TRABD2B: variants seen among roughly 807,000 people sequenced by gnomAD.
TRABD2B encodes the protein TraB domain containing 2B, also known as metalloprotease TIKI2.
In TRABD2B, 14 loss-of-function variants were observed where a neutral mutation model predicts 40.1. The ratio of observed to expected loss-of-function variants is 0.35; its 90% confidence interval spans 0.23 to 0.55. The LOEUF (loss-of-function observed/expected upper bound fraction) is 0.55, where lower values mean the gene tolerates loss of function less well. Among genes scored for constraint, TRABD2B ranks in the 20% least tolerant of loss-of-function variants. The pLI, the probability that TRABD2B is intolerant of heterozygous loss-of-function variation, is 0.90. For missense variants in TRABD2B, 541 were observed against 648.6 expected (o/e 0.83, Z 1.80); for synonymous variants, 263 against 277.0 (o/e 0.95, Z 0.50).
At chr1:47,893,199 A>G (rs1373137905) in intron 2 of TRABD2B, among the ~76,000 whole-genome samples, 1 of 152,124 alleles carries the variant, frequency 6.6e-6, no homozygotes, top group Non-Finnish European at 1.5e-5. Flanking sequence ...TCTGTTTCAC[A>G]TTTCAATTCA....
chr1:47,787,611 T>G (rs1644613973), intron 4 of TRABD2B, among the ~76,000 whole-genome samples: 1 of 152,192 alleles, frequency 6.6e-6, no homozygotes, highest in African/African-American at 2.4e-5. Flanking sequence ...CTTAGGTCTT[T>G]TCACCTGTCA....
chr1:47,885,388 A>G (rs956141288), intron 2 of TRABD2B, among the ~76,000 whole-genome samples: 1 of 151,228 alleles, frequency 6.6e-6, no homozygotes, highest in Non-Finnish European at 1.5e-5. Context: ...TACTTGCAGC[A>G]CCCCCTTTCA....
chr1:47,991,609 T>A (rs1407965278), intron 2 of TRABD2B, among the ~76,000 whole-genome samples: 1 of 57,978 alleles, frequency 1.7e-5, no homozygotes, highest in African/African-American at 8.9e-5. Flanking sequence ...AAAATTATGG[T>A]TATTTCTGTC....
intron 4 of TRABD2B, among the ~76,000 whole-genome samples, chr1:47,786,026 G>A (rs531821862): frequency 2.0e-5 from 3 of 152,304 alleles, no homozygotes; most frequent in Admixed American, 6.5e-5. Flanking sequence ...AGAGGACTTC[G>A]AGCTCTGAGG....
intron 2 of TRABD2B, among the ~76,000 whole-genome samples, chr1:47,857,646 G>A (rs1643907163): frequency 6.6e-6 from 1 of 151,952 alleles, no homozygotes; most frequent in Non-Finnish European, 1.5e-5. Flanking sequence ...AGTTTCCCAG[G>A]GCCCTGCCCA....
Position 47,943,234 on chromosome 1 carries a change from G to T in TRABD2B, c.666+50800C>A, listed in dbSNP as rs1025641900. 7.9e-5 allele frequency among the ~76,000 whole-genome samples: 12 copies of T among 152,154 alleles called. No individual in the cohort carries two copies. In the South Asian group the frequency reaches 1.9e-3, roughly 24 times the overall value. On this transcript the variant is annotated intron_variant, in intron 2 of 6. Coordinates refer to ENST00000606738, the MANE Select transcript of TRABD2B (RefSeq NM_001194986.2). The stretch of plus-strand genomic sequence containing the variant: ...TGACTAGTGTTTAATCCATGTTAGG[G>T]TCCTTCCATTTTTGGCACGAAATTT...
intron 2 of TRABD2B, among the ~76,000 whole-genome samples, chr1:47,933,504 G>A (rs551432507): frequency 1.9e-4 from 29 of 152,278 alleles, no homozygotes; most frequent in Admixed American, 1.3e-3. Context: ...CCACACTGCT[G>A]TTACTCAGCT....
intron 2 of TRABD2B, among the ~76,000 whole-genome samples, chr1:47,845,626 A>C (rs1645458296): frequency 6.6e-6 from 1 of 152,192 alleles, no homozygotes; most frequent in African/African-American, 2.4e-5. Flanking sequence ...TTATAATCAT[A>C]ATAAACTATC....
At position 47,841,268 on chromosome 1, in the gene TRABD2B, C is replaced by G. The variant is rs6700025; in HGVS notation, c.667-39649G>C. Among the ~76,000 whole-genome samples, 444 of 152,314 alleles carry G rather than the reference C, an allele frequency of 2.9e-3. 1 individual carries two copies. The highest frequency in any genetic ancestry group is 4.9e-3 in the Non-Finnish European group (333 of 68,020). On this transcript the variant is annotated intron_variant, in intron 2 of 6. Coordinates refer to ENST00000606738, the MANE Select transcript of TRABD2B (RefSeq NM_001194986.2). ...TCTCTTGCTAGAAAACTGGGTAAGG[C>G]ACACAATTTGCCTTACCTGTCTTGT...
intron 2 of TRABD2B, among the ~76,000 whole-genome samples, chr1:47,803,728 GA>G (rs1194597096): frequency 6.6e-6 from 1 of 152,198 alleles, no homozygotes; most frequent in Admixed American, 6.5e-5. Flanking sequence ...TTCAAGACAG[GA>G]ATTGTGTCGT....
At chr1:47,807,093 A>G (rs929106259) in intron 2 of TRABD2B, among the ~76,000 whole-genome samples, 1 of 152,224 alleles carries the variant, frequency 6.6e-6, no homozygotes, top group African/African-American at 2.4e-5. Flanking sequence ...GGGTAAAGTG[A>G]GAATACATAA....
intron 2 of TRABD2B, among the ~76,000 whole-genome samples, chr1:47,913,929 G>A (rs58364955): frequency 0.023 from 3,568 of 152,360 alleles, 106 homozygotes; most frequent in Admixed American, 0.09. Context: ...ACTAAGGCAT[G>A]GTTGATTAAT....
chr1:47,807,929 G>T (rs1644914184), intron 2 of TRABD2B, among the ~76,000 whole-genome samples: 1 of 152,134 alleles, frequency 6.6e-6, no homozygotes, highest in South Asian at 2.1e-4. Flanking sequence ...AGATGTGTAT[G>T]GGAGCCCAAC....
chr1:47,899,525 G>C (rs1644569945), intron 2 of TRABD2B, among the ~76,000 whole-genome samples: 1 of 152,230 alleles, frequency 6.6e-6, no homozygotes, highest in Admixed American at 6.5e-5. Flanking sequence ...TCTGATAAGA[G>C]GATATCTGCC....
At chr1:47,807,561 A>C (rs2124324134) in intron 2 of TRABD2B, among the ~76,000 whole-genome samples, 1 of 152,318 alleles carries the variant, frequency 6.6e-6, no homozygotes, top group Non-Finnish European at 1.5e-5. Flanking sequence ...TGATAACGTG[A>C]CCAGTGACAG....
intron 2 of TRABD2B, among the ~76,000 whole-genome samples, chr1:47,895,488 T>C (rs1277681860): frequency 6.6e-6 from 1 of 152,072 alleles, no homozygotes; most frequent in African/African-American, 2.4e-5. Flanking sequence ...AAAGAAAGGC[T>C]CCTTGTTGAG....
chr1:47,974,100 T>A (rs1465202819), intron 2 of TRABD2B, among the ~76,000 whole-genome samples: 2 of 152,130 alleles, frequency 1.3e-5, no homozygotes, highest in East Asian at 3.9e-4. Context: ...CAGAGTAAGA[T>A]TCTGTCTGCA....
intron 2 of TRABD2B, among the ~76,000 whole-genome samples, chr1:47,952,891 G>A (rs951443242): frequency 6.6e-6 from 1 of 152,036 alleles, no homozygotes; most frequent in African/African-American, 2.4e-5. Context: ...TTCTCTTCTG[G>A]GTCTTCTCGA....
At chr1:47,921,339 A>T (rs1391223956) in intron 2 of TRABD2B, among the ~76,000 whole-genome samples, 1 of 152,212 alleles carries the variant, frequency 6.6e-6, no homozygotes, top group African/African-American at 2.4e-5. Flanking sequence ...CAGGGCCAGC[A>T]GCTAAGAAAG....
Sources: gnomAD v4.1 joint callset for allele counts (sites outside exome capture counted in the v4.1 genomes callset) on GRCh38, gnomAD v4.1.1 for gene constraint, MANE v1.5 for transcripts, NCBI Gene and HGNC (gene_info 2026-07-23, HGNC 2026-07-21) for gene names.